Variants in CAMKV observed in about 807,000 individuals in gnomAD.
CAMKV encodes CaM kinase like vesicle associated.
CAMKV carries 5 observed loss-of-function variants against 50.2 expected under a neutral mutation model. That is an observed-to-expected ratio of 0.10 (90% CI 0.05 to 0.21). The LOEUF (loss-of-function observed/expected upper bound fraction) is 0.21, where lower values mean the gene tolerates loss of function less well. Ranked by LOEUF, CAMKV falls within the 10% of genes least tolerant of loss-of-function variation. The pLI, the probability that CAMKV is intolerant of heterozygous loss-of-function variation, is 1.00. For synonymous variants in CAMKV, 229 were observed against 250.1 expected (o/e 0.92, Z 0.80); for missense variants, 361 against 650.5 (o/e 0.55, Z 4.84).
chr3:49,859,514 G>A lies in CAMKV; in HGVS notation c.1310C>T (p.Ala437Val), dbSNP rs2082002533. Residue 437 changes from alanine (A) to valine (V), a missense_variant, in exon 11 of 11, where the codon GCC becomes GTC. By Grantham distance (64) the Ala-to-Val change is moderately conservative. Around this residue, in one of 4 missense-constraint regions of CAMKV, gnomAD observed 75 missense variants for 84.2 expected, o/e 0.89. Transcript: ENST00000477224. The surrounding 1 kb of genome is among the most constrained non-coding windows in gnomAD (Gnocchi z 5.5). ...TPATDGRATP[A>V]TEESTVPTTQ... Reference sequence around the variant, plus strand: ...GGTGGGCACAGTGCTCTCTTCTGTGGCTGGTGTGGCTCTCCCATCAGTGGC... The same window carrying A: ...GGTGGGCACAGTGCTCTCTTCTGTGACTGGTGTGGCTCTCCCATCAGTGGC... The A allele has an allele frequency of 6.2e-7, 1 of 1,614,000 alleles. No homozygotes were observed. The highest frequency in any genetic ancestry group is 1.3e-5 in the African/African-American group (1 of 74,924).
chr3:49,861,747 G>GATTC lies in CAMKV; in HGVS notation c.302+43_302+44insGAAT. 1 of 1,607,586 alleles carries GATTC rather than the reference G, an allele frequency of 6.2e-7. No homozygotes were observed. The highest frequency in any genetic ancestry group is 8.5e-7 in the Non-Finnish European group (1 of 1,174,492). On this transcript the variant is annotated intron_variant, in intron 4 of 10. Coordinates refer to ENST00000477224, the MANE Select transcript of CAMKV (RefSeq NM_024046.5). This position sits in a 1 kb window ranked among gnomAD's most constrained non-coding sequence, Gnocchi z 7.7. ...GCTGCAGAGGGTGGGACAGGTGAAAGCCCTGGGCGCTGGGGAATCTTGGGT... is the reference window on the plus strand; with the variant it reads ...GCTGCAGAGGGTGGGACAGGTGAAAGATTCCCCTGGGCGCTGGGGAATCTTGGGT...
At position 49,859,251 on chromosome 3, in the gene CAMKV, G is replaced by A; in HGVS notation, c.*67C>T. 1 of 1,366,870 alleles carries A rather than the reference G, an allele frequency of 7.3e-7. No homozygotes were observed. Among genetic ancestry groups the A allele is most frequent in the Non-Finnish European group, 9.9e-7 (1 of 1,011,642 alleles). The allele number at this position is 1,366,870 out of a possible 1,614,324, so 84.7% of individuals were successfully genotyped here. A position where few individuals can be genotyped will look rare whatever the true frequency, so the allele number is the denominator to read the frequency against. ...TCATGCCAGTGACTCTATGTACAGTGAGAAGCCCCTCATCCACTCTCCCAC... is the reference window on the plus strand; with the variant it reads ...TCATGCCAGTGACTCTATGTACAGTAAGAAGCCCCTCATCCACTCTCCCAC... On this transcript the variant is annotated 3_prime_UTR_variant, in exon 11 of 11. Coordinates refer to ENST00000477224, the MANE Select transcript of CAMKV (RefSeq NM_024046.5). The surrounding 1 kb of genome is among the most constrained non-coding windows in gnomAD (Gnocchi z 5.5).
intron 1 of CAMKV, among the ~76,000 whole-genome samples, chr3:49,868,443 TCA>T (rs1386032283): frequency 2.6e-5 from 4 of 152,128 alleles, no homozygotes; most frequent in African/African-American, 9.7e-5. Context: ...TCCCCATGCC[TCA>T]GTTTCCCCTA....
intron 1 of CAMKV, among the ~76,000 whole-genome samples, chr3:49,865,075 C>A (rs570494816): frequency 6.6e-6 from 1 of 152,344 alleles, no homozygotes; most frequent in African/African-American, 2.4e-5. Context: ...AATACAAATG[C>A]ATTTCATCAG....
Position 49,859,183 on chromosome 3 carries a change from G to A in CAMKV, c.*135C>T, listed in dbSNP as rs1365705333. 1.2e-6 allele frequency: 1 copy of A among 802,742 alleles called. No individual in the cohort carries two copies. Among genetic ancestry groups the A allele is most frequent in the African/African-American group, 1.7e-5 (1 of 58,172 alleles). 49.7% of individuals were successfully genotyped at this position (802,742 alleles called of 1,614,324 possible). A position where few individuals can be genotyped will look rare whatever the true frequency, so the allele number is the denominator to read the frequency against. ...CGAGACTGCTCTCCCGTGACCCCTA[G>A]TTATGCCCCACTGGGATGTGGGGGC... On this transcript the variant is annotated 3_prime_UTR_variant, in exon 11 of 11. Transcript: ENST00000477224. The surrounding 1 kb of genome is among the most constrained non-coding windows in gnomAD (Gnocchi z 5.5).
chr3:49,859,975 G>A lies in CAMKV; in HGVS notation c.943-94C>T, dbSNP rs746498314. On this transcript the variant is annotated intron_variant, in intron 10 of 10. Transcript: ENST00000477224. The surrounding 1 kb of genome is among the most constrained non-coding windows in gnomAD (Gnocchi z 5.5). Reference sequence around the variant, plus strand: ...ACCAAACTCCTTCCATAGTACCCCCGGCCACCTCCATCCACCCCAGGGCCA... The same window carrying A: ...ACCAAACTCCTTCCATAGTACCCCCAGCCACCTCCATCCACCCCAGGGCCA... 3.6e-5 allele frequency: 46 copies of A among 1,260,342 alleles called. No homozygotes were observed. The highest frequency in any genetic ancestry group is 2.1e-4 in the Middle Eastern group (1 of 4,654). The allele number at this position is 1,260,342 out of a possible 1,614,324, so 78.1% of individuals were successfully genotyped here.
chr3:49,869,498 G>T lies in CAMKV; in HGVS notation c.-15+260C>A, dbSNP rs1043917649. Among the ~76,000 whole-genome samples the T allele has an allele frequency of 2.6e-5, 4 of 152,156 alleles. No individual in the cohort carries two copies. The highest frequency in any genetic ancestry group is 2.0e-4 in the Admixed American group (3 of 15,288). ...TCACGGGGGACCACGAATCTTCGAGGGTTAATCTTTTCACAATTCCGAGCC... is the reference window on the plus strand; with the variant it reads ...TCACGGGGGACCACGAATCTTCGAGTGTTAATCTTTTCACAATTCCGAGCC... On this transcript the variant is annotated intron_variant, in intron 1 of 10. Transcript: ENST00000477224. The surrounding 1 kb of genome is among the most constrained non-coding windows in gnomAD (Gnocchi z 5.2).
chr3:49,867,465 G>C (rs1202533807), intron 1 of CAMKV, among the ~76,000 whole-genome samples: 1 of 152,244 alleles, frequency 6.6e-6, no homozygotes, highest in African/African-American at 2.4e-5. Context: ...AAGGCCAGCT[G>C]TCTCCTCCCA....
In CAMKV at chr3:49,864,107, G is replaced by A. The variant is rs138901345; in HGVS notation, c.-14-1705C>T. ...TCTTTTGTTTACTAATTTTCTGTGC[G>A]AATTTTTACTATTTTACTATAATGA... On this transcript the variant is annotated intron_variant, in intron 1 of 10. Transcript: ENST00000477224. 3.8e-3 allele frequency among the ~76,000 whole-genome samples: 584 copies of A among 152,250 alleles called. 6 individuals carry two copies. Among genetic ancestry groups the A allele is most frequent in the African/African-American group, 0.013 (553 of 41,524 alleles).
At chr3:49,864,147 G>C (rs569321949) in intron 1 of CAMKV, among the ~76,000 whole-genome samples, 15 of 152,202 alleles carry the variant, frequency 9.9e-5, no homozygotes, top group Non-Finnish European at 1.9e-4. Flanking sequence ...GATGAATTTA[G>C]TAAATACTGC....
In CAMKV at chr3:49,859,683, G is replaced by A. The variant is rs868127460; in HGVS notation, c.1141C>T (p.Pro381Ser). 1.2e-6 allele frequency: 2 copies of A among 1,613,874 alleles called. No homozygotes were observed. The highest frequency in any genetic ancestry group is 3.3e-4 in the Middle Eastern group (2 of 6,062). Residue 381 changes from proline to serine, a missense_variant, in exon 11 of 11, where the codon CCC becomes TCC. This residue lies in a region of CAMKV where 87 missense variants were observed against 92.0 expected (regional missense o/e 0.95). Coordinates refer to ENST00000477224, the MANE Select transcript of CAMKV (RefSeq NM_024046.5). The surrounding 1 kb of genome is among the most constrained non-coding windows in gnomAD (Gnocchi z 5.5). The part of the protein sequence containing the change: ...ARAAKSDNVA[P>S]ADRSATPATD... ...GCTGGGGTGGCACTACGGTCTGCGG[G>A]GGCCACATTATCACTCTTTGCAGCA... is the stretch of plus-strand genomic sequence containing the variant.
rs775139345 is a variant in CAMKV at position 49,860,505 on chromosome 3, G to T, written c.820C>A (p.Arg274=). The change falls in exon 9 of 11, where the codon CGG becomes AGG. Residue 274 remains arginine, a synonymous_variant. Transcript: ENST00000477224. This position sits in a 1 kb window ranked among gnomAD's most constrained non-coding sequence, Gnocchi z 6.1. ...TRLMEVEQDQ[R]ITAEEAISHE... ...GAGATGGCCTCTTCTGCAGTGATCCGCTGGTCTTGCTCCACCTCCATCAGC... is the reference window on the plus strand; with the variant it reads ...GAGATGGCCTCTTCTGCAGTGATCCTCTGGTCTTGCTCCACCTCCATCAGC... 6.2e-7 allele frequency: 1 copy of T among 1,613,470 alleles called. No homozygotes were observed. The highest frequency in any genetic ancestry group is 1.1e-5 in the South Asian group (1 of 90,922).
chr3:49,868,172 G>A (rs555800542), intron 1 of CAMKV, among the ~76,000 whole-genome samples: 10 of 152,222 alleles, frequency 6.6e-5, no homozygotes, highest in African/African-American at 1.2e-4. Context: ...GAAGGCAGAC[G>A]CATAGGGGTA....
intron 1 of CAMKV, among the ~76,000 whole-genome samples, chr3:49,867,678 G>A (rs540314586): frequency 8.1e-4 from 123 of 152,290 alleles, no homozygotes; most frequent in African/African-American, 2.8e-3. Context: ...ACCTTAGCCT[G>A]GCTGCTTCTT....
intron 1 of CAMKV, among the ~76,000 whole-genome samples, chr3:49,864,261 C>T (rs1436094620): frequency 6.6e-6 from 1 of 152,090 alleles, no homozygotes; most frequent in East Asian, 1.9e-4. Flanking sequence ...AAAGATTTGC[C>T]AGGAGGTATG....
chr3:49,865,706 A>G (rs1455165999), intron 1 of CAMKV, among the ~76,000 whole-genome samples: 1 of 152,186 alleles, frequency 6.6e-6, no homozygotes. Context: ...GATTTCTGAC[A>G]TTATAAGGTG....
Position 49,859,152 on chromosome 3 carries a change from A to T in CAMKV, c.*166T>A, listed in dbSNP as rs1272458018. 2.2e-5 allele frequency: 13 copies of T among 603,878 alleles called. No homozygotes were observed. The highest frequency in any genetic ancestry group is 3.4e-5 in the Non-Finnish European group (12 of 356,464). The allele number at this position is 603,878 out of a possible 1,614,324, so 37.4% of individuals were successfully genotyped here. On this transcript the variant is annotated 3_prime_UTR_variant, in exon 11 of 11. Transcript: ENST00000477224. The surrounding 1 kb of genome is among the most constrained non-coding windows in gnomAD (Gnocchi z 5.5). Reference sequence around the variant, plus strand: ...GCCCACCACTCACACACATACACACAGGAGACGAGACTGCTCTCCCGTGAC... The same window carrying T: ...GCCCACCACTCACACACATACACACTGGAGACGAGACTGCTCTCCCGTGAC...
In CAMKV at chr3:49,861,914, G is replaced by A. The variant is rs2082025011; in HGVS notation, c.228-49C>T. The A allele has an allele frequency of 6.2e-7, 1 of 1,609,876 alleles. No homozygotes were observed. Among genetic ancestry groups the A allele is most frequent in the Non-Finnish European group, 8.5e-7 (1 of 1,177,684 alleles). ...TAGTTAGGGCTGGATGAACCCCTGG[G>A]AGAGGCTGTGGTCACCACAGTGGCC... On this transcript the variant is annotated intron_variant, in intron 3 of 10. Coordinates refer to ENST00000477224, the MANE Select transcript of CAMKV (RefSeq NM_024046.5). The surrounding 1 kb of genome is among the most constrained non-coding windows in gnomAD (Gnocchi z 7.7).
chr3:49,865,484 C>T (rs2108332775), intron 1 of CAMKV, among the ~76,000 whole-genome samples: 1 of 152,230 alleles, frequency 6.6e-6, no homozygotes, highest in African/African-American at 2.4e-5. Flanking sequence ...CGTCAGATTC[C>T]TATTTGTCAC....
Sources: allele counts gnomAD v4.1 joint callset (sites outside exome capture counted in the v4.1 genomes callset), GRCh38; gene constraint gnomAD v4.1.1; regional missense constraint gnomAD v4.1.1; non-coding constraint Gnocchi (gnomAD v3.1); transcripts MANE v1.5; gene names NCBI Gene and HGNC (gene_info 2026-07-23, HGNC 2026-07-21).